The following SGCZ variants were observed in gnomAD, a reference collection of about 807,000 sequenced individuals.
SGCZ encodes sarcoglycan zeta.
SGCZ carries 40 observed loss-of-function variants against 41.3 expected under a neutral mutation model. The observed-to-expected ratio is 0.97, with a 90% CI of 0.75 to 1.26. The LOEUF is 1.26. Ranked by LOEUF, SGCZ falls within the 50% of genes most tolerant of loss-of-function variation. The probability of loss-of-function intolerance (pLI) is 0.00; values close to 1 mark genes in which losing one functional copy is unlikely to be tolerated. For missense variants in SGCZ, 552 were observed against 369.8 expected (o/e 1.49, Z -4.04); for synonymous variants, 206 against 137.5 (o/e 1.50, Z -3.49).
At chr8:14,821,208 T>G (rs931577687) in intron 1 of SGCZ, among the ~76,000 whole-genome samples, 1 of 151,948 alleles carries the variant, frequency 6.6e-6, no homozygotes, top group Non-Finnish European at 1.5e-5. Context: ...TCAACAAATT[T>G]GATAGCACAG....
At chr8:14,689,987 C>T (rs1808746153) in intron 1 of SGCZ, among the ~76,000 whole-genome samples, 1 of 152,062 alleles carries the variant, frequency 6.6e-6, no homozygotes, top group Non-Finnish European at 1.5e-5. Flanking sequence ...GTTAGAAAAA[C>T]AAAGTTTAAT....
At chr8:14,880,756 G>C (rs1804556306) in intron 1 of SGCZ, among the ~76,000 whole-genome samples, 1 of 152,046 alleles carries the variant, frequency 6.6e-6, no homozygotes, top group African/African-American at 2.4e-5. Context: ...TGAACATTGA[G>C]AACACTTGGA....
intron 1 of SGCZ, among the ~76,000 whole-genome samples, chr8:15,224,036 A>G (rs1165115658): frequency 6.6e-6 from 1 of 152,062 alleles, no homozygotes; most frequent in East Asian, 1.9e-4. Flanking sequence ...TTGTATTTTT[A>G]GTAGAAACGG....
At chr8:15,033,797 C>A (rs1344184344) in intron 1 of SGCZ, among the ~76,000 whole-genome samples, 1 of 152,102 alleles carries the variant, frequency 6.6e-6, no homozygotes, top group Non-Finnish European at 1.5e-5. Context: ...GCTTCAGGCC[C>A]ATCTGTACCA....
At chr8:14,747,660 C>CATTATT (rs151163754) in intron 1 of SGCZ, among the ~76,000 whole-genome samples, 10,260 of 139,366 alleles carry the variant, frequency 0.074, 430 homozygotes, top group Middle Eastern at 0.11. Context: ...GGGTACAAGG[C>CATTATT]ATTATTATTA....
chr8:14,862,008 C>T (rs897412151), intron 1 of SGCZ, among the ~76,000 whole-genome samples: 3 of 151,556 alleles, frequency 2.0e-5, no homozygotes, highest in African/African-American at 7.3e-5. Flanking sequence ...ACCTGAATTC[C>T]ACCATTGGAA....
intron 2 of SGCZ, among the ~76,000 whole-genome samples, chr8:14,535,786 T>G (rs1803276294): frequency 6.6e-6 from 1 of 151,800 alleles, no homozygotes; most frequent in Non-Finnish European, 1.5e-5. Flanking sequence ...TGGATTAGGG[T>G]TGTAGGGAAA....
intron 1 of SGCZ, among the ~76,000 whole-genome samples, chr8:15,208,374 A>G (rs1324227370): frequency 1.3e-5 from 2 of 152,222 alleles, no homozygotes; most frequent in African/African-American, 2.4e-5. Context: ...ATATGCTGGT[A>G]ATCTGTTCTA....
chr8:14,327,356 A>T (rs930511859), intron 2 of SGCZ, among the ~76,000 whole-genome samples: 2 of 152,202 alleles, frequency 1.3e-5, no homozygotes, highest in Non-Finnish European at 2.9e-5. Flanking sequence ...GGGCTTTAAA[A>T]CACTATTTTG....
At chr8:15,155,230 G>A (rs984609663) in intron 1 of SGCZ, among the ~76,000 whole-genome samples, 2 of 152,188 alleles carry the variant, frequency 1.3e-5, no homozygotes, top group Non-Finnish European at 2.9e-5. Flanking sequence ...GGGAGGCAGA[G>A]GTTGCAGTGA....
chr8:14,563,707 A>G lies in SGCZ; in HGVS notation c.40-8781T>C, dbSNP rs200843995. On this transcript the variant is annotated intron_variant, in intron 1 of 7. Coordinates refer to ENST00000382080, the MANE Select transcript of SGCZ (RefSeq NM_139167.4). ...GCTTTTAAAAATCCAAGTTTCATCA[A>G]GAAGACAAAAAGAACTCTCGAGCTT... 2.6e-5 allele frequency among the ~76,000 whole-genome samples: 4 copies of G among 152,312 alleles called. No individual in the cohort carries two copies. In the East Asian group the frequency reaches 7.7e-4, roughly 29 times the overall value.
At chr8:14,833,988 C>A (rs1238462788) in intron 1 of SGCZ, among the ~76,000 whole-genome samples, 1 of 152,098 alleles carries the variant, frequency 6.6e-6, no homozygotes, top group Non-Finnish European at 1.5e-5. Flanking sequence ...ATGACTACAG[C>A]CTTAGTCAAT....
At chr8:14,766,245 G>T (rs545919021) in intron 1 of SGCZ, among the ~76,000 whole-genome samples, 1 of 151,970 alleles carries the variant, frequency 6.6e-6, no homozygotes, top group East Asian at 1.9e-4. Context: ...CAGGCATGAG[G>T]CATGGCCCCC....
At chr8:14,388,335 G>A (rs937571753) in intron 2 of SGCZ, among the ~76,000 whole-genome samples, 9 of 151,942 alleles carry the variant, frequency 5.9e-5, no homozygotes, top group Non-Finnish European at 7.4e-5. Context: ...TGGGCATCTG[G>A]CACACCCAGA....
intron 1 of SGCZ, among the ~76,000 whole-genome samples, chr8:15,098,279 AT>A (rs1321911014): frequency 6.6e-6 from 1 of 152,150 alleles, no homozygotes; most frequent in African/African-American, 2.4e-5. Context: ...TAAAGCTACA[AT>A]GTGCATATTC....
intron 2 of SGCZ, among the ~76,000 whole-genome samples, chr8:14,422,753 C>T (rs1026535392): frequency 6.6e-6 from 1 of 152,110 alleles, no homozygotes; most frequent in Non-Finnish European, 1.5e-5. Context: ...CTTTTGTTAC[C>T]CCAGATCTCT....
chr8:14,338,792 T>A (rs1276437202), intron 2 of SGCZ, among the ~76,000 whole-genome samples: 1 of 152,174 alleles, frequency 6.6e-6, no homozygotes, highest in African/African-American at 2.4e-5. Flanking sequence ...ATTGCCAATT[T>A]GAAAATTCAA....
chr8:14,195,300 T>C lies in SGCZ; in HGVS notation c.425-30598A>G, dbSNP rs558719467. Among the ~76,000 whole-genome samples the C allele has an allele frequency of 1.9e-3, 295 of 152,138 alleles. 1 individual carries two copies. The highest frequency in any genetic ancestry group is 7.0e-3 in the African/African-American group (289 of 41,514). ...AACTACATTGAGACGGAGAATACGC[T>C]GAAAAGGGTTGACAGCAGATTAGAC... On this transcript the variant is annotated intron_variant, in intron 4 of 7. Transcript: ENST00000382080.
chr8:15,101,225 T>A (rs1032330959), intron 1 of SGCZ, among the ~76,000 whole-genome samples: 3 of 152,180 alleles, frequency 2.0e-5, no homozygotes, highest in Non-Finnish European at 2.9e-5. Flanking sequence ...GTATAATCCA[T>A]GAAATTTAAA....
Sources: gnomAD v4.1 joint callset for allele counts (sites outside exome capture counted in the v4.1 genomes callset) on GRCh38, gnomAD v4.1.1 for gene constraint, MANE v1.5 for transcripts, NCBI Gene and HGNC (gene_info 2026-07-23, HGNC 2026-07-21) for gene names.